GABRD: variants seen among roughly 807,000 people sequenced by gnomAD.
The protein encoded by GABRD is gamma-aminobutyric acid receptor subunit delta.
In GABRD, 25 loss-of-function variants were observed where a neutral mutation model predicts 47.3. That is an observed-to-expected ratio of 0.53 (90% CI 0.39 to 0.74). GABRD has a LOEUF of 0.74. GABRD is among the 30% of genes least tolerant of loss of function. The pLI is 0.00. For missense variants in GABRD, 497 were observed against 643.4 expected, an observed-to-expected ratio of 0.77 and a Z score of 2.46; for synonymous variants, 314 against 278.8, an observed-to-expected ratio of 1.13 and a Z score of -1.26.
At position 2,030,558 on chromosome 1, in the gene GABRD, T is replaced by A; in HGVS notation, c.*276T>A. 2.7e-6 allele frequency: 1 copy of A among 363,856 alleles called. No individual in the cohort carries two copies. The highest frequency in any genetic ancestry group is 4.9e-6 in the Non-Finnish European group (1 of 203,236). The allele number at this position is 363,856 out of a possible 1,614,324, so 22.5% of individuals were successfully genotyped here. ...CGAGAGGCTGAGCCAGGCCGGGGTC[T>A]GGGCCCTTCAGGGAGCCGCGGATTT... On this transcript the variant is annotated 3_prime_UTR_variant, in exon 9 of 9. Transcript: ENST00000378585.
chr1:2,025,830 G>A (rs916882204), intron 4 of GABRD, 92 bp downstream of exon 4: 46 of 1,183,678 alleles, frequency 3.9e-5, no homozygotes, highest in Middle Eastern at 4.9e-4. Context: ...AAGCTCGAGC[G>A]GCTTCTGCTG....
At position 2,019,477 on chromosome 1, in the gene GABRD, G is replaced by T. The variant is rs1164917987; in HGVS notation, c.54G>T (p.Gln18His). The change falls in exon 1 of 9, where the codon CAG becomes CAT. Residue 18 changes from glutamine (Q) to histidine (H), a missense_variant. Physicochemically the swap from Gln to His is conservative, Grantham distance 24. Coordinates refer to ENST00000378585, the MANE Select transcript of GABRD (RefSeq NM_000815.5). Reference protein sequence around the residue: ...LAPLLLLCAQQLRGTRAMNDI... With the variant: ...LAPLLLLCAQHLRGTRAMNDI... Reference sequence around the variant, plus strand: ...CGCTCCTGCTCCTCTGCGCGCAGCAGCTCCGCGGCACCAGGTGAGCGGGCG... The same window carrying T: ...CGCTCCTGCTCCTCTGCGCGCAGCATCTCCGCGGCACCAGGTGAGCGGGCG... The T allele has an allele frequency of 3.3e-5, 37 of 1,113,682 alleles. No homozygotes were observed. The highest frequency in any genetic ancestry group is 5.0e-5 in the African/African-American group (3 of 59,824). The allele number at this position is 1,113,682 out of a possible 1,614,324, so 69.0% of individuals were successfully genotyped here.
chr1:2,030,214 G>T lies in GABRD; in HGVS notation c.1291G>T (p.Ala431Ser), dbSNP rs761923089. 19 of 1,563,846 alleles carry T rather than the reference G, an allele frequency of 1.2e-5. No individual in the cohort carries two copies. The highest frequency in any genetic ancestry group is 1.6e-5 in the Non-Finnish European group (19 of 1,152,312). The change falls in exon 9 of 9, where the codon GCC (alanine) becomes TCC (serine). Residue 431 changes from alanine (A) to serine (S), a missense_variant. By Grantham distance (99) the Ala-to-Ser change is moderately conservative. Coordinates refer to ENST00000378585, the MANE Select transcript of GABRD (RefSeq NM_000815.5). ...PIDADTIDIY[A>S]RAVFPAAFAA... ...CGACGCAGACACCATTGACATTTACGCCCGCGCTGTGTTCCCTGCGGCGTT... is the reference window on the plus strand; with the variant it reads ...CGACGCAGACACCATTGACATTTACTCCCGCGCTGTGTTCCCTGCGGCGTT...
At chr1:2,025,793 G>A (rs866724003) in intron 4 of GABRD, 55 bp downstream of exon 4, 72 of 1,522,466 alleles carry the variant, frequency 4.7e-5, no homozygotes, top group Middle Eastern at 3.5e-4. Context: ...GCCAAGCGTC[G>A]GCGCCTGGAC....
Position 2,030,399 on chromosome 1 carries a change from A to G in GABRD, c.*117A>G. 1.1e-6 allele frequency: 1 copy of G among 905,666 alleles called. No homozygotes were observed. Among genetic ancestry groups the G allele is most frequent in the Non-Finnish European group, 1.6e-6 (1 of 643,444 alleles). 56.1% of individuals were successfully genotyped at this position (905,666 alleles called of 1,614,324 possible). A position where few individuals can be genotyped will look rare whatever the true frequency, so the allele number is the denominator to read the frequency against. On this transcript the variant is annotated 3_prime_UTR_variant, in exon 9 of 9. Coordinates refer to ENST00000378585, the MANE Select transcript of GABRD (RefSeq NM_000815.5). Reference sequence around the variant, plus strand: ...CCTCTGCGTGTTTCGAAGTGGGATGACAGTCGGCCACGGAAAACAAGAGGA... The same window carrying G: ...CCTCTGCGTGTTTCGAAGTGGGATGGCAGTCGGCCACGGAAAACAAGAGGA...
chr1:2,027,987 G>A (rs1658974806), intron 5 of GABRD, 168 bp from the exon 6 acceptor site: 13 of 727,562 alleles, frequency 1.8e-5, no homozygotes, highest in South Asian at 7.4e-5. Flanking sequence ...GGAGGAGCCC[G>A]ACGTGGTCCC....
intron 7 of GABRD, 43 bp from the exon 8 acceptor site, chr1:2,029,508 G>A (rs1205965980): frequency 1.4e-5 from 22 of 1,604,084 alleles, no homozygotes; most frequent in South Asian, 4.4e-5. Context: ...ATGGGGCGGC[G>A]TGAGGGCAGG....
chr1:2,030,309 G>C lies in GABRD; in HGVS notation c.*27G>C, dbSNP rs1040784881. The C allele has an allele frequency of 6.8e-7, 1 of 1,477,686 alleles. No homozygotes were observed. Among genetic ancestry groups the C allele is most frequent in the Non-Finnish European group, 9.0e-7 (1 of 1,113,126 alleles). The allele number at this position is 1,477,686 out of a possible 1,614,324, so 91.5% of individuals were successfully genotyped here. ...CACAGGACTCAGGCCACCCTCGCTTGTCCTGGCGCCCGGCGGCAGCTGCCC... is the reference window on the plus strand; with the variant it reads ...CACAGGACTCAGGCCACCCTCGCTTCTCCTGGCGCCCGGCGGCAGCTGCCC... On this transcript the variant is annotated 3_prime_UTR_variant, in exon 9 of 9. Transcript: ENST00000378585.
chr1:2,022,991 G>A lies in GABRD; in HGVS notation c.69-1951G>A, dbSNP rs116642895. ...GGAAAGGGAGAGGGCCTCAGCCCCCGACCCCGCTGCTGCTGCCTCCCAAAC... is the reference window on the plus strand; with the variant it reads ...GGAAAGGGAGAGGGCCTCAGCCCCCAACCCCGCTGCTGCTGCCTCCCAAAC... On this transcript the variant is annotated intron_variant, in intron 1 of 8. Coordinates refer to ENST00000378585, the MANE Select transcript of GABRD (RefSeq NM_000815.5). Among the ~76,000 whole-genome samples the A allele has an allele frequency of 4.3e-3, 650 of 152,252 alleles. 3 individuals carry two copies. The highest frequency in any genetic ancestry group is 7.0e-3 in the Non-Finnish European group (478 of 68,002).
chr1:2,025,172 G>C, intron 2 of GABRD, 118 bp downstream of exon 2: 1 of 1,265,986 alleles, frequency 7.9e-7, no homozygotes, highest in Non-Finnish European at 1.1e-6. Flanking sequence ...CTCTCCCCTG[G>C]GGGGCTCCAT....
In GABRD at chr1:2,029,708, C is replaced by T. The variant is rs370201162; in HGVS notation, c.1005C>T (p.Ala335=). The part of the protein sequence containing the change: ...LVEYAFAHFN[A]DYRKKQKAKV... ...AGTACGCCTTTGCTCATTTCAACGC[C>T]GACTACAGGAAGAAGCAGAAGGCCA... Residue 335 remains alanine (A), a synonymous_variant, in exon 8 of 9, where the codon GCC becomes GCT. Coordinates refer to ENST00000378585, the MANE Select transcript of GABRD (RefSeq NM_000815.5). The T allele has an allele frequency of 5.3e-5, 85 of 1,613,448 alleles. No homozygotes were observed. Among genetic ancestry groups the T allele is most frequent in the Non-Finnish European group, 6.4e-5 (75 of 1,180,012 alleles).
In GABRD at chr1:2,025,604, C is replaced by T. The variant is rs772538793; in HGVS notation, c.336C>T (p.Asp112=). 1 of 1,613,096 alleles carries T rather than the reference C, an allele frequency of 6.2e-7. No homozygotes were observed. Among genetic ancestry groups the T allele is most frequent in the South Asian group, 1.1e-5 (1 of 91,084 alleles). Residue 112 remains aspartate, a synonymous_variant, in exon 4 of 9, where the codon GAC becomes GAT. Coordinates refer to ENST00000378585, the MANE Select transcript of GABRD (RefSeq NM_000815.5). ...YNHTNETLGL[D]SRFVDKLWLP... ...ACACCAACGAGACCCTGGGTCTGGA[C>T]AGCCGCTTCGTGGACAAGCTGTGGC... is the stretch of plus-strand genomic sequence containing the variant.
chr1:2,020,434 T>C (rs762226477), intron 1 of GABRD, among the ~76,000 whole-genome samples: 6 of 152,204 alleles, frequency 3.9e-5, no homozygotes, highest in Non-Finnish European at 5.9e-5. Flanking sequence ...TGGCTGACCG[T>C]AGTAGAGATG....
intron 2 of GABRD, 46 bp from the exon 3 acceptor site, chr1:2,025,288 T>G (rs1015076121): frequency 1.8e-5 from 29 of 1,608,380 alleles, no homozygotes; most frequent in Non-Finnish European, 2.5e-5. Flanking sequence ...GTGGCTCCCA[T>G]GCTGGGCCGG....
In GABRD at chr1:2,019,438, C is replaced by T. The variant is rs1453164730; in HGVS notation, c.15C>T (p.Ala5=). The change falls in exon 1 of 9, where the codon GCC becomes GCT. Residue 5 remains alanine, a synonymous_variant. Transcript: ENST00000378585. ...CCGCCGCGGCCATGGACGCGCCCGC[C>T]CGGCTGCTGGCCCCGCTCCTGCTCC... is the stretch of plus-strand genomic sequence containing the variant. MDAP[A]RLLAPLLLLC... 17 of 1,099,556 alleles carry T rather than the reference C, an allele frequency of 1.5e-5. No homozygotes were observed. The highest frequency in any genetic ancestry group is 8.0e-4 in the Middle Eastern group (2 of 2,506). The allele number at this position is 1,099,556 out of a possible 1,614,324, so 68.1% of individuals were successfully genotyped here.
At chr1:2,027,153 A>T in intron 4 of GABRD, 1 of 323,642 alleles carries the variant, frequency 3.1e-6, no homozygotes, top group Non-Finnish European at 6.0e-6. Flanking sequence ...ACAGAGTGAG[A>T]CCCTGTCTCA....
At chr1:2,022,681 GCC>G (rs1287824512) in intron 1 of GABRD, among the ~76,000 whole-genome samples, 2 of 152,228 alleles carry the variant, frequency 1.3e-5, no homozygotes, top group African/African-American at 4.8e-5. Flanking sequence ...TTTTTAATTG[GCC>G]GGGACTTAAT....
At position 2,028,318 on chromosome 1, in the gene GABRD, G is replaced by T. The variant is rs374769906; in HGVS notation, c.691+26G>T. 17 of 1,593,424 alleles carry T rather than the reference G, an allele frequency of 1.1e-5. No individual in the cohort carries two copies. Among genetic ancestry groups the T allele is most frequent in the Admixed American group, 8.5e-5 (5 of 58,988 alleles). On this transcript the variant is annotated intron_variant, in intron 6 of 8. Coordinates refer to ENST00000378585, the MANE Select transcript of GABRD (RefSeq NM_000815.5). The surrounding 1 kb of genome is among the most constrained non-coding windows in gnomAD (Gnocchi z 6.4). ...GTAACATATGCCCGCCGCCCCTTCCGCATGTGCCCGCCGCCCCTTCCGCGC... is the reference window on the plus strand; with the variant it reads ...GTAACATATGCCCGCCGCCCCTTCCTCATGTGCCCGCCGCCCCTTCCGCGC...
chr1:2,019,501 C>A lies in GABRD; in HGVS notation c.68+10C>A. 5 of 437,510 alleles carry A rather than the reference C, an allele frequency of 1.1e-5. No homozygotes were observed. Among genetic ancestry groups the A allele is most frequent in the Non-Finnish European group, 1.5e-5 (5 of 324,222 alleles). The allele number at this position is 437,510 out of a possible 1,614,324, so 27.1% of individuals were successfully genotyped here. A position where few individuals can be genotyped will look rare whatever the true frequency, so the allele number is the denominator to read the frequency against. On this transcript the variant is annotated intron_variant, in intron 1 of 8. Transcript: ENST00000378585. ...AGCTCCGCGGCACCAGGTGAGCGGG[C>A]GGGGTCCGCGCGGCGCGGGGTCGGG...
Sources: allele counts gnomAD v4.1 joint callset (sites outside exome capture counted in the v4.1 genomes callset), GRCh38; gene constraint gnomAD v4.1.1; non-coding constraint Gnocchi (gnomAD v3.1); transcripts MANE v1.5; gene names NCBI Gene and HGNC (gene_info 2026-07-23, HGNC 2026-07-21).